The following NFASC variants were observed in gnomAD, a reference collection of about 807,000 sequenced individuals.
NFASC encodes neurofascin homolog.
Under a neutral mutation model 147.5 loss-of-function variants are expected in NFASC, and 43 were observed. That is an observed-to-expected ratio of 0.29 (90% CI 0.23 to 0.38). The LOEUF (loss-of-function observed/expected upper bound fraction) is 0.38, where lower values mean the gene tolerates loss of function less well. Among genes scored for constraint, NFASC ranks in the 10% least tolerant of loss-of-function variants. The pLI is 1.00. For synonymous variants in NFASC, 622 were observed against 665.5 expected (o/e 0.93, Z 1.01); for missense variants, 1,320 against 1,689.0 (o/e 0.78, Z 3.83).
intron 1 of NFASC, among the ~76,000 whole-genome samples, chr1:204,849,494 T>C (rs2075475137): frequency 1.3e-5 from 2 of 152,004 alleles, no homozygotes; most frequent in Non-Finnish European, 2.9e-5. Context: ...AGGTATGGGG[T>C]GGGGGCCAAG....
chr1:204,870,529 G>A, intron 1 of NFASC: 1 of 248,182 alleles, frequency 4.0e-6, no homozygotes, highest in Non-Finnish European at 6.5e-6. Flanking sequence ...CTTAACAGGG[G>A]GGTCTGCTCC....
intron 8 of NFASC, among the ~76,000 whole-genome samples, chr1:204,964,778 G>A (rs1365073214): frequency 6.6e-6 from 1 of 152,176 alleles, no homozygotes; most frequent in African/African-American, 2.4e-5. Context: ...GCCCCTAAAA[G>A]CTGTTTTTGG....
At chr1:204,855,448 C>T (rs991410541) in intron 1 of NFASC, among the ~76,000 whole-genome samples, 6 of 151,766 alleles carry the variant, frequency 4.0e-5, no homozygotes, top group African/African-American at 9.7e-5. Context: ...GGTGAAAAAA[C>T]GAAAAAAGAC....
rs144312004 is a variant in NFASC at position 204,932,020 on chromosome 1, G to T, written c.-91+11280G>T. On this transcript the variant is annotated intron_variant, in intron 2 of 29. Transcript: ENST00000339876. Reference sequence around the variant, plus strand: ...TGAAGCGGGAGAGGAGACATGGGCTGAGCAACCTCACTCTGGGCTTCACTC... The same window carrying T: ...TGAAGCGGGAGAGGAGACATGGGCTTAGCAACCTCACTCTGGGCTTCACTC... 7.2e-5 allele frequency among the ~76,000 whole-genome samples: 11 copies of T among 152,224 alleles called. No individual in the cohort carries two copies. The East Asian group carries it at 2.1e-3, about 29-fold the overall frequency.
intron 1 of NFASC, among the ~76,000 whole-genome samples, chr1:204,878,230 G>T (rs1335928898): frequency 6.6e-6 from 1 of 152,188 alleles, no homozygotes; most frequent in Non-Finnish European, 1.5e-5. Context: ...GCAGCTCTGT[G>T]AGATAGGGTC....
At chr1:205,002,455 G>A (rs528402035) in intron 26 of NFASC, 141 bp from the exon 27 acceptor site, 29 of 554,922 alleles carry the variant, frequency 5.2e-5, no homozygotes, top group African/African-American at 4.8e-4. Flanking sequence ...GAAACCTCCT[G>A]GTCTGTATGG....
Position 204,954,778 on chromosome 1 carries a change from C to T in NFASC, c.413-51C>T, listed in dbSNP as rs761469278. On this transcript the variant is annotated intron_variant, in intron 6 of 29. Transcript: ENST00000339876. This position sits in a 1 kb window ranked among gnomAD's most constrained non-coding sequence, Gnocchi z 5.7. ...CCTGCCTCTGACCCTGCTCCTTGCC[C>T]CGGGCCCAGCCATCACCCTCACTTT... The T allele has an allele frequency of 5.6e-6, 9 of 1,604,432 alleles. No individual in the cohort carries two copies. Among genetic ancestry groups the T allele is most frequent in the Non-Finnish European group, 7.7e-6 (9 of 1,173,288 alleles).
At chr1:204,939,340 G>A (rs964741083) in intron 2 of NFASC, among the ~76,000 whole-genome samples, 13 of 152,088 alleles carry the variant, frequency 8.5e-5, no homozygotes, top group African/African-American at 3.1e-4. Context: ...TTCACTAATG[G>A]TATTGTGGCA....
At chr1:204,900,624 G>A (rs888059305) in intron 1 of NFASC, among the ~76,000 whole-genome samples, 2 of 152,168 alleles carry the variant, frequency 1.3e-5, no homozygotes, top group African/African-American at 4.8e-5. Context: ...GTGTACATTA[G>A]GTGGTGCTAA....
At chr1:204,923,705 G>T in intron 2 of NFASC, among the ~76,000 whole-genome samples, 1 of 152,012 alleles carries the variant, frequency 6.6e-6, no homozygotes, top group East Asian at 1.9e-4. Flanking sequence ...CCCCCAAACC[G>T]ATTTCAGGCC....
chr1:205,000,839 A>ACC, intron 25 of NFASC: 3 of 326,462 alleles, frequency 9.2e-6, no homozygotes, highest in Non-Finnish European at 1.7e-5. Flanking sequence ...AAAAAAAAAA[A>ACC]CAGAAAACAA....
chr1:205,005,677 A>G (rs1478346010), intron 27 of NFASC, among the ~76,000 whole-genome samples: 2 of 152,226 alleles, frequency 1.3e-5, no homozygotes, highest in East Asian at 1.9e-4. Flanking sequence ...GAGTCCCATT[A>G]TAAGTGTGAT....
chr1:204,982,145 G>A, intron 21 of NFASC, 125 bp downstream of exon 21: 2 of 580,516 alleles, frequency 3.4e-6, no homozygotes, highest in South Asian at 2.5e-5. Context: ...AAGGAAAAAT[G>A]TTCTGTAGTG....
chr1:204,954,473 C>T lies in NFASC; in HGVS notation c.412+89C>T. ...GAAGGCCATTCCAGAAGGGCTGCCCCTGCCCTTGGCCTGCAGTTGCCTTGG... is the reference window on the plus strand; with the variant it reads ...GAAGGCCATTCCAGAAGGGCTGCCCTTGCCCTTGGCCTGCAGTTGCCTTGG... On this transcript the variant is annotated intron_variant, in intron 6 of 29. Transcript: ENST00000339876. The surrounding 1 kb of genome is among the most constrained non-coding windows in gnomAD (Gnocchi z 5.7). 7.8e-7 allele frequency: 1 copy of T among 1,286,274 alleles called. No individual in the cohort carries two copies. Among genetic ancestry groups the T allele is most frequent in the Non-Finnish European group, 1.1e-6 (1 of 927,206 alleles). The allele number at this position is 1,286,274 out of a possible 1,614,324, so 79.7% of individuals were successfully genotyped here. A position where few individuals can be genotyped will look rare whatever the true frequency, so the allele number is the denominator to read the frequency against.
chr1:204,967,183 C>T (rs1351838593), intron 8 of NFASC, among the ~76,000 whole-genome samples: 5 of 152,162 alleles, frequency 3.3e-5, no homozygotes, highest in African/African-American at 1.2e-4. Flanking sequence ...GGCTCAGCTT[C>T]TATTTTTGTT....
At chr1:205,009,818 C>A (rs7540238) in intron 28 of NFASC, 130 bp downstream of exon 28, 20,991 of 993,016 alleles carry the variant, frequency 0.021, 370 homozygotes, top group Middle Eastern at 0.099. Context: ...ATTGGAAATA[C>A]AATCCTCTTG....
chr1:204,914,914 G>A (rs1182988464), intron 1 of NFASC, among the ~76,000 whole-genome samples: 1 of 152,206 alleles, frequency 6.6e-6, no homozygotes, highest in Non-Finnish European at 1.5e-5. Flanking sequence ...CAACCTAAAT[G>A]TCTATCAGTA....
intron 16 of NFASC, 55 bp from the exon 17 acceptor site, chr1:204,977,626 A>G: frequency 1.9e-6 from 3 of 1,558,056 alleles, no homozygotes; most frequent in Non-Finnish European, 2.6e-6. Flanking sequence ...TCCTTCTAGA[A>G]CACCTTTAAT....
intron 1 of NFASC, among the ~76,000 whole-genome samples, chr1:204,829,213 T>C (rs75233245): frequency 0.011 from 1,633 of 149,178 alleles, 26 homozygotes; most frequent in African/African-American, 0.038. Context: ...TCCCCTATTC[T>C]CTTCCCCATC....
Sources: gnomAD v4.1 joint callset for allele counts (sites outside exome capture counted in the v4.1 genomes callset) on GRCh38, gnomAD v4.1.1 for gene constraint, Gnocchi (gnomAD v3.1) non-coding constraint, MANE v1.5 for transcripts, NCBI Gene and HGNC (gene_info 2026-07-23, HGNC 2026-07-21) for gene names.